KIF26B: variants seen among roughly 807,000 people sequenced by gnomAD.
KIF26B encodes the protein kinesin-like protein KIF26B.
Under a neutral mutation model 151.2 loss-of-function variants are expected in KIF26B, and 63 were observed. The ratio of observed to expected loss-of-function variants is 0.42; its 90% CI spans 0.34 to 0.51. The LOEUF (loss-of-function observed/expected upper bound fraction) is 0.51, where lower values mean the gene tolerates loss of function less well. Among genes scored for constraint, KIF26B ranks in the 20% least tolerant of loss-of-function variants. The pLI, the probability that KIF26B is intolerant of heterozygous loss-of-function variation, is 0.07. For missense variants in KIF26B, 2,813 were observed against 2,913.6 expected (o/e 0.97, Z 0.79); for synonymous variants, 1,357 against 1,262.1 (o/e 1.08, Z -1.59).
Position 245,540,718 on chromosome 1 carries a change from A to G in KIF26B, c.1167-49A>G. ...AGAGAAAACGAAGTAAGCCTAGCAG[A>G]TCTGATCGTACAATCATTTTCCCCT... is the stretch of plus-strand genomic sequence containing the variant. On this transcript the variant is annotated intron_variant, in intron 4 of 14. Coordinates refer to ENST00000407071, the MANE Select transcript of KIF26B (RefSeq NM_018012.4). This position sits in a 1 kb window ranked among gnomAD's most constrained non-coding sequence, Gnocchi z 4.6. The G allele has an allele frequency of 6.6e-7, 1 of 1,520,000 alleles. No homozygotes were observed. Among genetic ancestry groups the G allele is most frequent in the Non-Finnish European group, 9.1e-7 (1 of 1,094,296 alleles). The allele number at this position is 1,520,000 out of a possible 1,614,324, so 94.2% of individuals were successfully genotyped here.
chr1:245,187,760 G>A (rs1053927217), intron 2 of KIF26B, among the ~76,000 whole-genome samples: 9 of 152,140 alleles, frequency 5.9e-5, no homozygotes, highest in Admixed American at 3.3e-4. Context: ...ACTTTTCGTG[G>A]CTATAAGAGA....
chr1:245,417,352 G>T (rs1236105069), intron 3 of KIF26B, among the ~76,000 whole-genome samples: 1 of 151,888 alleles, frequency 6.6e-6, no homozygotes, highest in Non-Finnish European at 1.5e-5. Context: ...GGAGGTAGGT[G>T]CTAGGAATGG....
intron 5 of KIF26B, among the ~76,000 whole-genome samples, chr1:245,582,549 T>G (rs2103130325): frequency 6.6e-6 from 1 of 152,284 alleles, no homozygotes; most frequent in South Asian, 2.1e-4. Context: ...CCATAAAACT[T>G]GCAAAGCAAC....
intron 2 of KIF26B, among the ~76,000 whole-genome samples, chr1:245,362,495 A>G (rs1331776174): frequency 1.3e-5 from 2 of 150,654 alleles, no homozygotes; most frequent in Non-Finnish European, 3.0e-5. Flanking sequence ...CCGAGATCGC[A>G]CCACTGCGCT....
At chr1:245,380,441 A>T (rs1673379194) in intron 3 of KIF26B, among the ~76,000 whole-genome samples, 1 of 152,298 alleles carries the variant, frequency 6.6e-6, no homozygotes, top group South Asian at 2.1e-4. Flanking sequence ...GCTGCTCCCC[A>T]CCGTCCATTA....
chr1:245,571,402 A>C (rs1449585416), intron 5 of KIF26B, among the ~76,000 whole-genome samples: 2 of 152,240 alleles, frequency 1.3e-5, no homozygotes, highest in African/African-American at 4.8e-5. Context: ...GGGGCAGATA[A>C]GTCAGATTTC....
intron 4 of KIF26B, among the ~76,000 whole-genome samples, chr1:245,503,167 C>T (rs1660657354): frequency 6.6e-6 from 1 of 152,100 alleles, no homozygotes; most frequent in Non-Finnish European, 1.5e-5. Flanking sequence ...CCATGGTGAA[C>T]TCTTTTTAAA....
At chr1:245,531,047 T>C (rs965246346) in intron 4 of KIF26B, among the ~76,000 whole-genome samples, 4 of 152,148 alleles carry the variant, frequency 2.6e-5, no homozygotes, top group African/African-American at 9.7e-5. Context: ...TAGTAGTTGT[T>C]ATAATTTCCC....
chr1:245,414,980 A>G (rs1043355391), intron 3 of KIF26B, among the ~76,000 whole-genome samples: 3 of 152,162 alleles, frequency 2.0e-5, no homozygotes, highest in Non-Finnish European at 4.4e-5. Context: ...CAACTTCCCT[A>G]CTTGACGGCT....
At chr1:245,449,029 T>C (rs1038317861) in intron 4 of KIF26B, among the ~76,000 whole-genome samples, 1 of 152,208 alleles carries the variant, frequency 6.6e-6, no homozygotes, top group African/African-American at 2.4e-5. Flanking sequence ...GGAGACTGTT[T>C]ACTTTAGCAC....
chr1:245,499,717 C>T (rs541389227), intron 4 of KIF26B, among the ~76,000 whole-genome samples: 13 of 152,306 alleles, frequency 8.5e-5, no homozygotes, highest in African/African-American at 1.4e-4. Context: ...CTCAGTAGTG[C>T]GCATGGCACT....
At chr1:245,508,935 G>T (rs941322467) in intron 4 of KIF26B, among the ~76,000 whole-genome samples, 4 of 152,112 alleles carry the variant, frequency 2.6e-5, no homozygotes, top group South Asian at 2.1e-4. Context: ...TAACTCTCTA[G>T]ACTAAATCCT....
chr1:245,386,660 A>G (rs1144587), intron 3 of KIF26B, among the ~76,000 whole-genome samples: 86,925 of 152,094 alleles, frequency 0.57, 25,146 homozygotes, highest in African/African-American at 0.64. Context: ...CATTAGCATC[A>G]TTTCCTCCTT....
intron 2 of KIF26B, among the ~76,000 whole-genome samples, chr1:245,360,041 T>A (rs1010396164): frequency 1.3e-5 from 2 of 151,758 alleles, no homozygotes; most frequent in Non-Finnish European, 2.9e-5. Context: ...CCCGGCTAAT[T>A]TTTTTATTTT....
intron 4 of KIF26B, among the ~76,000 whole-genome samples, chr1:245,532,281 T>C (rs577884987): frequency 5.5e-5 from 8 of 145,310 alleles, no homozygotes; most frequent in African/African-American, 2.0e-4. Flanking sequence ...AGTCTTGCTC[T>C]GTCGCCCAGG....
At chr1:245,355,337 T>G (rs1389780057) in intron 2 of KIF26B, among the ~76,000 whole-genome samples, 2 of 152,162 alleles carry the variant, frequency 1.3e-5, no homozygotes, top group Non-Finnish European at 2.9e-5. Flanking sequence ...CTCCCAGTTA[T>G]GACAACCAAA....
rs907522481 is a variant in KIF26B, at chr1:245,707,781, G to A, written c.*5175G>A. ...GGAAAGATCCCTTCGTTTTGAATTT[G>A]ATGAGAATGGGCTTGGAAATCCACG... On this transcript the variant is annotated 3_prime_UTR_variant, in exon 15 of 15. Coordinates refer to ENST00000407071, the MANE Select transcript of KIF26B (RefSeq NM_018012.4). The A allele has an allele frequency of 2.0e-5, 3 of 152,330 alleles. No individual in the cohort carries two copies. In the South Asian group the frequency reaches 6.2e-4, roughly 32 times the overall value. The allele number at this position is 152,330 out of a possible 1,614,324, so 9.4% of individuals were successfully genotyped here.
intron 3 of KIF26B, among the ~76,000 whole-genome samples, chr1:245,392,884 TG>T (rs1558148679): frequency 6.6e-6 from 1 of 152,134 alleles, no homozygotes. Context: ...TTAAAAATTT[TG>T]GGGGGCTGGG....
intron 14 of KIF26B, among the ~76,000 whole-genome samples, chr1:245,701,741 A>G (rs2044775077): frequency 6.6e-6 from 1 of 152,168 alleles, no homozygotes; most frequent in East Asian, 1.9e-4. Context: ...GAGGTCCCAG[A>G]GCTCGTCTCT....
Sources: gnomAD v4.1 joint callset for allele counts (sites outside exome capture counted in the v4.1 genomes callset) on GRCh38, gnomAD v4.1.1 for gene constraint, Gnocchi (gnomAD v3.1) non-coding constraint, MANE v1.5 for transcripts, NCBI Gene and HGNC (gene_info 2026-07-23, HGNC 2026-07-21) for gene names.